Variants in ZNF615 observed in about 807,000 individuals in gnomAD.
ZNF615 encodes the protein zinc finger protein 615.
Under a neutral mutation model 15.3 loss-of-function variants are expected in ZNF615, and 15 were observed. The observed-to-expected ratio is 0.98, with a 90% CI of 0.66 to 1.51. The LOEUF (loss-of-function observed/expected upper bound fraction) is 1.51. Among genes scored for constraint, ZNF615 ranks in the 40% most tolerant of loss-of-function variants. ZNF615 has a pLI of 0.00. For missense variants in ZNF615, 848 were observed against 895.9 expected (o/e 0.95, Z 0.68); for synonymous variants, 268 against 294.6 (o/e 0.91, Z 0.92).
chr19:51,996,402 A>AC (rs1555771242), intron 6 of ZNF615, among the ~76,000 whole-genome samples: 36 of 134,318 alleles, frequency 2.7e-4, no homozygotes, highest in Non-Finnish European at 4.8e-4. Context: ...AAAAAAAAAA[A>AC]AAAAAACGCA....
chr19:51,992,497 GGGGT>G lies in ZNF615; in HGVS notation c.*379_*382del, dbSNP rs2086260649. On this transcript the variant is annotated 3_prime_UTR_variant, in exon 7 of 7. Transcript: ENST00000598071. ...ACATTTTACTGAAAACCCTGCCACA[GGGGT>G]TTGCCAGAGGAAAGTATTTCTCCAG... 1.5e-5 allele frequency: 1 copy of G among 66,532 alleles called. No individual in the cohort carries two copies. Among genetic ancestry groups the G allele is most frequent in the African/African-American group, 1.4e-4 (1 of 7,280 alleles). 4.1% of individuals were successfully genotyped at this position (66,532 alleles called of 1,614,324 possible).
intron 5 of ZNF615, among the ~76,000 whole-genome samples, 197 bp downstream of exon 5, chr19:52,001,616 C>CAAAAA (rs200193378): frequency 4.7e-5 from 5 of 105,294 alleles, no homozygotes; most frequent in Admixed American, 1.9e-4. Flanking sequence ...GACTCCATCT[C>CAAAAA]AAAAAAAAAA....
At chr19:52,005,238 G>T (rs2086718530) in intron 2 of ZNF615, among the ~76,000 whole-genome samples, 1 of 151,642 alleles carries the variant, frequency 6.6e-6, no homozygotes, top group Non-Finnish European at 1.5e-5. Context: ...CAGCCTGGGT[G>T]ACAGAGTGAG....
At position 51,993,126 on chromosome 19, in the gene ZNF615, A is replaced by G. The variant is rs2086285744; in HGVS notation, c.1983T>C (p.Thr661=). 1.2e-6 allele frequency: 2 copies of G among 1,614,078 alleles called. No individual in the cohort carries two copies. The highest frequency in any genetic ancestry group is 2.2e-5 in the East Asian group (1 of 44,892). Residue 661 remains threonine (T), a synonymous_variant, in exon 7 of 7, where the codon ACT becomes ACC. Coordinates refer to ENST00000598071, the MANE Select transcript of ZNF615 (RefSeq NM_001199324.2). ...TTCCACATTCAGTACATGCAAAGGA[A>G]GTCTTTCCTGTGTGAAATCGCTGAT... The part of the protein sequence containing the change: ...IQHQRFHTGK[T]SFACTECGKF...
chr19:52,001,359 C>A (rs1347591645), intron 5 of ZNF615, among the ~76,000 whole-genome samples: 10 of 151,956 alleles, frequency 6.6e-5, no homozygotes, highest in Admixed American at 6.6e-4. Flanking sequence ...GTGGCTCAAG[C>A]CTGTAATCTC....
chr19:52,007,769 T>C (rs1419705736), intron 1 of ZNF615, among the ~76,000 whole-genome samples: 2 of 152,030 alleles, frequency 1.3e-5, no homozygotes, highest in African/African-American at 4.8e-5. Context: ...CATAAACCGA[T>C]TCGCTGACAA....
intron 2 of ZNF615, among the ~76,000 whole-genome samples, chr19:52,006,226 C>T (rs1475128849): frequency 6.6e-6 from 1 of 151,972 alleles, no homozygotes; most frequent in Non-Finnish European, 1.5e-5. Flanking sequence ...TATAAGTTTA[C>T]GGCTTTAAAT....
At chr19:52,005,819 TA>T (rs2086737721) in intron 2 of ZNF615, among the ~76,000 whole-genome samples, 1 of 152,154 alleles carries the variant, frequency 6.6e-6, no homozygotes, top group Admixed American at 6.5e-5. Context: ...GAATGCAGTA[TA>T]AAAAAATAAT....
rs2086674787 is a variant in ZNF615 at position 52,003,825 on chromosome 19, G to A, written c.-114C>T. The A allele has an allele frequency of 2.6e-6, 4 of 1,551,752 alleles. No homozygotes were observed. The African/African-American group carries it at 5.5e-5, about 21-fold the overall frequency. ...CAATCTCCAATCAAGGATGTCCCCA[G>A]AAATGATGACACCCAAGTCTTGGAA... On this transcript the variant is annotated 5_prime_UTR_variant, in exon 3 of 7. Transcript: ENST00000598071.
At chr19:51,994,908 A>G in intron 6 of ZNF615, 71 bp from the exon 7 acceptor site, 1 of 1,419,530 alleles carries the variant, frequency 7.0e-7, no homozygotes, top group Non-Finnish European at 9.3e-7. Context: ...CTATTTTTTA[A>G]AACTGCCTTG....
At position 51,994,626 on chromosome 19, in the gene ZNF615, A is replaced by T; in HGVS notation, c.483T>A (p.Ser161=). The T allele has an allele frequency of 6.2e-7, 1 of 1,613,266 alleles. No individual in the cohort carries two copies. The highest frequency in any genetic ancestry group is 1.1e-5 in the South Asian group (1 of 90,954). ...TAAACTCAGCAGAGTTCTTTAGGCC[A>T]GAGCTCCTTTTCTGGTTTTCAAAAC... is the stretch of plus-strand genomic sequence containing the variant. The part of the protein sequence containing the change: ...NLSFENQKRS[S]GLKNSAEFNR... Residue 161 remains serine, a synonymous_variant, in exon 7 of 7, where the codon TCT becomes TCA. Coordinates refer to ENST00000598071, the MANE Select transcript of ZNF615 (RefSeq NM_001199324.2).
At chr19:52,005,874 C>T (rs1226517531) in intron 2 of ZNF615, among the ~76,000 whole-genome samples, 2 of 152,098 alleles carry the variant, frequency 1.3e-5, no homozygotes, top group Admixed American at 1.3e-4. Context: ...TCAGTATTTG[C>T]CTAATACGTC....
At position 51,992,761 on chromosome 19, in the gene ZNF615, C is replaced by A. The variant is rs780108420; in HGVS notation, c.*119G>T. 12 of 1,203,550 alleles carry A rather than the reference C, an allele frequency of 1.0e-5. No homozygotes were observed. Among genetic ancestry groups the A allele is most frequent in the Middle Eastern group, 2.0e-4 (1 of 4,992 alleles). 74.6% of individuals were successfully genotyped at this position (1,203,550 alleles called of 1,614,324 possible). A position where few individuals can be genotyped will look rare whatever the true frequency, so the allele number is the denominator to read the frequency against. On this transcript the variant is annotated 3_prime_UTR_variant, in exon 7 of 7. Transcript: ENST00000598071. Reference sequence around the variant, plus strand: ...AATGTTTTGTACATGTTTTCTCTGACACAAAACATGAAGTAACTGATCACT... The same window carrying A: ...AATGTTTTGTACATGTTTTCTCTGAAACAAAACATGAAGTAACTGATCACT...
At chr19:52,007,642 A>G in intron 1 of ZNF615, among the ~76,000 whole-genome samples, 1 of 152,150 alleles carries the variant, frequency 6.6e-6, no homozygotes, top group South Asian at 2.1e-4. Flanking sequence ...CCACATCGGA[A>G]TCTGTGGCGC....
rs192682250 is a variant in ZNF615, at chr19:52,002,485, G to T, written c.16-204C>A. ...CATTCAACAATGTTGAAAAGTCAAA[G>T]AAATGTCTGTAATACACAGCTATCC... On this transcript the variant is annotated intron_variant, in intron 3 of 6. Transcript: ENST00000598071. 6.7e-4 allele frequency: 484 copies of T among 726,202 alleles called. No homozygotes were observed. In the African/African-American group the frequency reaches 7.2e-3, roughly 11 times the overall value. 45.0% of individuals were successfully genotyped at this position (726,202 alleles called of 1,614,324 possible).
rs1437394981 is a variant in ZNF615, at chr19:52,008,165, C to A, written c.-252G>T. The A allele has an allele frequency of 1.3e-6, 2 of 1,535,622 alleles. No individual in the cohort carries two copies. Among genetic ancestry groups the A allele is most frequent in the Admixed American group, 2.0e-5 (1 of 50,994 alleles). On this transcript the variant is annotated 5_prime_UTR_variant, in exon 1 of 7. Coordinates refer to ENST00000598071, the MANE Select transcript of ZNF615 (RefSeq NM_001199324.2). ...CTTCCCAGAACTTGGTGGGCTCCGG[C>A]CTCATCTCTCGGCCTCCTCAGTGCC...
In ZNF615 at chr19:51,994,418, T is replaced by C; in HGVS notation, c.691A>G (p.Ile231Val). The C allele has an allele frequency of 6.2e-7, 1 of 1,614,196 alleles. No homozygotes were observed. The highest frequency in any genetic ancestry group is 8.5e-7 in the Non-Finnish European group (1 of 1,180,028). ...GKAFLKLSQF[I>V]DHQRVHTGEK... ...CCAGTGTGAACTCTCTGATGATCAA[T>C]AAACTGAGACAACTTGAGGAAGGCT... The change falls in exon 7 of 7, where the codon ATT becomes GTT. Residue 231 changes from isoleucine (I) to valine (V), a missense_variant. Transcript: ENST00000598071.
chr19:51,995,345 C>CTT (rs948485532), intron 6 of ZNF615, among the ~76,000 whole-genome samples: 1 of 152,144 alleles, frequency 6.6e-6, no homozygotes, highest in African/African-American at 2.4e-5. Flanking sequence ...CTAAATAGGT[C>CTT]TTTATACAAT....
chr19:51,992,141 A>C lies in ZNF615; in HGVS notation c.*739T>G, dbSNP rs1034338319. On this transcript the variant is annotated 3_prime_UTR_variant, in exon 7 of 7. Coordinates refer to ENST00000598071, the MANE Select transcript of ZNF615 (RefSeq NM_001199324.2). ...AAACTTAGAACCAAAGAAATGCAGGAGCTAATCATATAATAAAATGAGGCA... is the reference window on the plus strand; with the variant it reads ...AAACTTAGAACCAAAGAAATGCAGGCGCTAATCATATAATAAAATGAGGCA... 6.6e-6 allele frequency: 1 copy of C among 152,216 alleles called. No individual in the cohort carries two copies. Among genetic ancestry groups the C allele is most frequent in the African/African-American group, 2.4e-5 (1 of 41,456 alleles). The allele number at this position is 152,216 out of a possible 1,614,324, so 9.4% of individuals were successfully genotyped here.
Sources: allele counts gnomAD v4.1 joint callset (sites outside exome capture counted in the v4.1 genomes callset), GRCh38; gene constraint gnomAD v4.1.1; transcripts MANE v1.5; gene names NCBI Gene and HGNC (gene_info 2026-07-23, HGNC 2026-07-21).